MAP2K4: variants seen among roughly 807,000 people sequenced by gnomAD.
MAP2K4 encodes mitogen-activated protein kinase kinase 4, also known as dual specificity mitogen-activated protein kinase kinase 4.
MAP2K4 carries 4 observed loss-of-function variants against 48.5 expected under a neutral mutation model. The observed-to-expected ratio is 0.08, with a 90% CI of 0.04 to 0.19. The LOEUF (loss-of-function observed/expected upper bound fraction) is 0.19. MAP2K4 is among the 10% of genes least tolerant of loss of function. The pLI, the probability that MAP2K4 is intolerant of heterozygous loss-of-function variation, is 1.00. For missense variants in MAP2K4, 258 were observed against 493.3 expected (o/e 0.52, Z 4.52); for synonymous variants, 166 against 173.1 (o/e 0.96, Z 0.32).
intron 7 of MAP2K4, among the ~76,000 whole-genome samples, chr17:12,116,254 A>G (rs924700442): frequency 6.6e-6 from 1 of 152,210 alleles, no homozygotes; most frequent in Non-Finnish European, 1.5e-5. Flanking sequence ...TATGGTATAA[A>G]AAATAAAGAA....
intron 2 of MAP2K4, among the ~76,000 whole-genome samples, chr17:12,066,999 T>C (rs1355406832): frequency 6.6e-6 from 1 of 152,134 alleles, no homozygotes; most frequent in East Asian, 1.9e-4. Flanking sequence ...TTTTGTATTT[T>C]TGGGTAGAGA....
At chr17:12,103,349 C>T (rs1165611508) in intron 4 of MAP2K4, among the ~76,000 whole-genome samples, 7 of 151,886 alleles carry the variant, frequency 4.6e-5, no homozygotes, top group South Asian at 4.2e-4. Context: ...GTCTGGCCTC[C>T]GTTACATGAT....
chr17:12,093,876 A>AT (rs1328949124), intron 3 of MAP2K4, among the ~76,000 whole-genome samples: 1 of 152,202 alleles, frequency 6.6e-6, no homozygotes, highest in East Asian at 1.9e-4. Context: ...TTTTAGAGTT[A>AT]TTTTTTAAAA....
chr17:12,133,800 C>T (rs1423291640), intron 9 of MAP2K4, among the ~76,000 whole-genome samples: 4 of 152,150 alleles, frequency 2.6e-5, no homozygotes, highest in Non-Finnish European at 5.9e-5. Flanking sequence ...ATATACAACT[C>T]TGTAGCTTGG....
At chr17:12,100,931 A>C (rs1335394271) in intron 4 of MAP2K4, among the ~76,000 whole-genome samples, 8 of 151,996 alleles carry the variant, frequency 5.3e-5, no homozygotes, top group Admixed American at 5.2e-4. Context: ...CGGTTTTGGG[A>C]GGTTTTTAAA....
At chr17:12,039,731 G>A (rs1047714826) in intron 1 of MAP2K4, among the ~76,000 whole-genome samples, 5 of 152,142 alleles carry the variant, frequency 3.3e-5, no homozygotes, top group African/African-American at 9.7e-5. Flanking sequence ...TGTTCAAGTT[G>A]AGACCTCAGC....
At chr17:12,106,280 C>T (rs1972107676) in intron 4 of MAP2K4, among the ~76,000 whole-genome samples, 1 of 151,944 alleles carries the variant, frequency 6.6e-6, no homozygotes, top group African/African-American at 2.4e-5. Context: ...GGGTGTTACT[C>T]GATCTTTCAT....
chr17:12,125,943 T>G (rs984395042), intron 8 of MAP2K4, among the ~76,000 whole-genome samples: 9 of 152,164 alleles, frequency 5.9e-5, no homozygotes, highest in South Asian at 2.1e-4. Context: ...GGGTAATTTA[T>G]GAAGAGAGGT....
At chr17:12,115,874 G>A (rs1045559666) in intron 7 of MAP2K4, 2 of 653,698 alleles carry the variant, frequency 3.1e-6, no homozygotes, top group African/African-American at 3.6e-5. Flanking sequence ...CGGCACCTTT[G>A]GACTGTGTAT....
intron 2 of MAP2K4, among the ~76,000 whole-genome samples, chr17:12,076,091 G>A (rs1177911913): frequency 6.6e-6 from 1 of 152,110 alleles, no homozygotes; most frequent in Non-Finnish European, 1.5e-5. Flanking sequence ...TAGAGGGTGG[G>A]AGTGAAGGTG....
At chr17:12,083,371 T>A (rs1971254039) in intron 3 of MAP2K4, among the ~76,000 whole-genome samples, 1 of 152,246 alleles carries the variant, frequency 6.6e-6, no homozygotes, top group African/African-American at 2.4e-5. Flanking sequence ...CAGTGGCTAC[T>A]GGCTACTGTG....
intron 6 of MAP2K4, among the ~76,000 whole-genome samples, chr17:12,111,923 AT>A (rs1042243763): frequency 6.6e-6 from 1 of 152,144 alleles, no homozygotes; most frequent in African/African-American, 2.4e-5. Context: ...TCATGTCTAT[AT>A]GTGGCTGCCT....
chr17:12,046,814 T>C (rs750557087), intron 1 of MAP2K4, among the ~76,000 whole-genome samples: 5 of 152,198 alleles, frequency 3.3e-5, no homozygotes, highest in Non-Finnish European at 7.3e-5. Context: ...TATTTTATTA[T>C]AACTGAAATG....
At chr17:12,024,428 A>C (rs1396756486) in intron 1 of MAP2K4, among the ~76,000 whole-genome samples, 1 of 152,208 alleles carries the variant, frequency 6.6e-6, no homozygotes, top group East Asian at 1.9e-4. Context: ...ATTACTCAAA[A>C]GATTTGAGTG....
At chr17:12,064,025 A>G (rs1970537376) in intron 2 of MAP2K4, among the ~76,000 whole-genome samples, 1 of 145,444 alleles carries the variant, frequency 6.9e-6, no homozygotes, top group Non-Finnish European at 1.5e-5. Flanking sequence ...AGGGGGGGAG[A>G]GAGAGAGAGA....
chr17:12,101,857 A>G (rs559843279), intron 4 of MAP2K4, among the ~76,000 whole-genome samples: 1 of 152,100 alleles, frequency 6.6e-6, no homozygotes, highest in Non-Finnish European at 1.5e-5. Flanking sequence ...TTTTATATTG[A>G]TCTTGTGTGC....
At chr17:12,103,212 ATT>A (rs775147472) in intron 4 of MAP2K4, among the ~76,000 whole-genome samples, 37 of 135,072 alleles carry the variant, frequency 2.7e-4, no homozygotes, top group Admixed American at 5.2e-4. Context: ...TGCTAATTGA[ATT>A]TTTTTTTTTT....
intron 6 of MAP2K4, among the ~76,000 whole-genome samples, chr17:12,111,661 A>G (rs190887511): frequency 6.6e-6 from 1 of 152,326 alleles, no homozygotes; most frequent in East Asian, 1.9e-4. Context: ...TTCTCTTACT[A>G]AATGAAGTGA....
At position 12,140,342 on chromosome 17, in the gene MAP2K4, T is replaced by A. The variant is rs79714029; in HGVS notation, c.1086+458T>A. ...TTAAGCAGTCTACTGGGTATGGCAT[T>A]GGTGGGGCAGGGAGAAAGTGTTGTG... On this transcript the variant is annotated intron_variant, in intron 10 of 10. Transcript: ENST00000353533. 6.2e-3 allele frequency among the ~76,000 whole-genome samples: 946 copies of A among 152,300 alleles called. 2 individuals carry two copies. The highest frequency in any genetic ancestry group is 0.036 in the East Asian group (186 of 5,168).
Sources: gnomAD v4.1 joint callset for allele counts (sites outside exome capture counted in the v4.1 genomes callset) on GRCh38, gnomAD v4.1.1 for gene constraint, MANE v1.5 for transcripts, NCBI Gene and HGNC (gene_info 2026-07-23, HGNC 2026-07-21) for gene names.